The following PPARG variants were observed in gnomAD, a reference collection of about 807,000 sequenced individuals.
The protein encoded by PPARG is peroxisome proliferator-activated receptor gamma.
Under a neutral mutation model 39.2 loss-of-function variants are expected in PPARG, and 17 were observed. The observed-to-expected ratio is 0.43, with a 90% confidence interval of 0.30 to 0.65. The LOEUF is 0.65. PPARG is among the 30% of genes least tolerant of loss of function. The pLI is 0.13. For missense variants in PPARG, 406 were observed against 585.9 expected (o/e 0.69, Z 3.17); for synonymous variants, 223 against 215.7 (o/e 1.03, Z -0.30).
At chr3:12,344,477 G>A (rs1300643179) in intron 2 of PPARG, among the ~76,000 whole-genome samples, 1 of 152,116 alleles carries the variant, frequency 6.6e-6, no homozygotes, top group African/African-American at 2.4e-5. Context: ...ACTCTGTGTT[G>A]CCTGTGGTTT....
chr3:12,408,567 C>CTTTTTTTTTTTTTTTT (rs397945616), intron 6 of PPARG, among the ~76,000 whole-genome samples: 14 of 113,252 alleles, frequency 1.2e-4, no homozygotes, highest in African/African-American at 4.0e-4. Flanking sequence ...CTTTTCTTTT[C>CTTTTTTTTTTTTTTTT]TTTTTTTTTT....
At chr3:12,408,815 A>T (rs1194685111) in intron 6 of PPARG, among the ~76,000 whole-genome samples, 1 of 143,724 alleles carries the variant, frequency 7.0e-6, no homozygotes, top group Non-Finnish European at 1.5e-5. Context: ...ACTTAATAGT[A>T]CCAGAAAGTC....
intron 5 of PPARG, among the ~76,000 whole-genome samples, chr3:12,396,401 C>T (rs1215236654): frequency 2.0e-5 from 3 of 152,104 alleles, no homozygotes; most frequent in African/African-American, 4.8e-5. Flanking sequence ...GGATTACAGG[C>T]GTGAGCTACC....
intron 7 of PPARG, 57 bp from the exon 8 acceptor site, chr3:12,433,841 G>A (rs1158866387): frequency 6.2e-7 from 1 of 1,611,846 alleles, no homozygotes; most frequent in Non-Finnish European, 8.5e-7. Context: ...CCAAGGCGGG[G>A]CCCAGAGGAT....
intron 1 of PPARG, among the ~76,000 whole-genome samples, chr3:12,291,859 A>G (rs970151539): frequency 6.6e-6 from 1 of 152,080 alleles, no homozygotes; most frequent in East Asian, 1.9e-4. Flanking sequence ...CTTTCTCTCA[A>G]TTTTGTCATC....
At chr3:12,371,854 T>C (rs1236797011) in intron 2 of PPARG, 1 of 688,328 alleles carries the variant, frequency 1.5e-6, no homozygotes, top group East Asian at 2.8e-5. Flanking sequence ...GCTGTAGTGT[T>C]TCAGGATGAT....
intron 5 of PPARG, among the ~76,000 whole-genome samples, chr3:12,397,894 AC>A (rs1482397639): frequency 6.6e-6 from 1 of 150,858 alleles, no homozygotes; most frequent in Non-Finnish European, 1.5e-5. Flanking sequence ...TCCTCTCCCC[AC>A]CCCTGCCCAC....
chr3:12,417,901 C>CATTTT (rs1559533744), intron 7 of PPARG, among the ~76,000 whole-genome samples: 1 of 46,142 alleles, frequency 2.2e-5, no homozygotes, highest in Non-Finnish European at 4.1e-5. Flanking sequence ...TTTTTTTTTT[C>CATTTT]CTTTTTTTTT....
At chr3:12,323,445 G>T (rs1275307782) in intron 2 of PPARG, among the ~76,000 whole-genome samples, 1 of 150,996 alleles carries the variant, frequency 6.6e-6, no homozygotes, top group Non-Finnish European at 1.5e-5. Context: ...TGGAGAGAGT[G>T]CCATGCCAAA....
In PPARG at chr3:12,433,991, A is replaced by G. The variant is rs186728157; in HGVS notation, c.1274A>G (p.Glu425Gly). The G allele has an allele frequency of 7.4e-6, 12 of 1,614,136 alleles. No individual in the cohort carries two copies. Among genetic ancestry groups the G allele is most frequent in the Non-Finnish European group, 1.0e-5 (12 of 1,180,056 alleles). Residue 425 changes from glutamate (E) to glycine (G), a missense_variant, in exon 8 of 8, where the codon GAG becomes GGG. Coordinates refer to ENST00000651735, the MANE Select transcript of PPARG (RefSeq NM_138711.6). ...LELQLKLNHP[E>G]SSQLFAKLLQ... ...CTCCAGCTGAAGCTGAACCACCCTG[A>G]GTCCTCACAGCTGTTTGCCAAGCTG...
intron 2 of PPARG, among the ~76,000 whole-genome samples, chr3:12,368,556 C>T (rs2049102606): frequency 6.6e-6 from 1 of 152,172 alleles, no homozygotes; most frequent in South Asian, 2.1e-4. Context: ...AGAATTTAAA[C>T]TCTAGCCCCA....
At chr3:12,330,051 C>G (rs149694049) in intron 2 of PPARG, among the ~76,000 whole-genome samples, 1 of 152,148 alleles carries the variant, frequency 6.6e-6, no homozygotes, top group Non-Finnish European at 1.5e-5. Flanking sequence ...CTGATGGATA[C>G]TTGGGTTGTT....
intron 3 of PPARG, 138 bp downstream of exon 3, chr3:12,380,069 A>G (rs1304292355): frequency 1.2e-6 from 1 of 860,770 alleles, no homozygotes; most frequent in African/African-American, 1.7e-5. Flanking sequence ...TCACCCATTT[A>G]TCCATGAAAT....
chr3:12,337,847 A>G (rs1326365272), intron 2 of PPARG, among the ~76,000 whole-genome samples: 1 of 152,216 alleles, frequency 6.6e-6, no homozygotes, highest in Admixed American at 6.5e-5. Flanking sequence ...ATAGCATTAC[A>G]TTGTATTAGT....
At chr3:12,294,900 A>G (rs11716748) in intron 1 of PPARG, among the ~76,000 whole-genome samples, 43,339 of 152,102 alleles carry the variant, frequency 0.28, 6,378 homozygotes, top group East Asian at 0.49. Flanking sequence ...TCTCGAAATA[A>G]TAATAATTAT....
At chr3:12,290,930 C>G (rs1251356703) in intron 1 of PPARG, among the ~76,000 whole-genome samples, 2 of 152,188 alleles carry the variant, frequency 1.3e-5, no homozygotes, top group African/African-American at 2.4e-5. Flanking sequence ...CTGGCCCACA[C>G]TTTCACTTCT....
intron 2 of PPARG, among the ~76,000 whole-genome samples, chr3:12,323,694 A>T (rs2047609781): frequency 6.6e-6 from 1 of 152,108 alleles, no homozygotes; most frequent in African/African-American, 2.4e-5. Context: ...CTGTCTGTCT[A>T]ACCCCCAAGC....
intron 6 of PPARG, among the ~76,000 whole-genome samples, chr3:12,412,581 G>T (rs1209032934): frequency 6.6e-6 from 1 of 152,000 alleles, no homozygotes; most frequent in Non-Finnish European, 1.5e-5. Context: ...AAAAACACTG[G>T]GTTCAAGTGC....
intron 2 of PPARG, among the ~76,000 whole-genome samples, chr3:12,321,680 C>T (rs1172703880): frequency 1.3e-5 from 2 of 152,272 alleles, no homozygotes; most frequent in South Asian, 2.1e-4. Context: ...ACTCTGTGGT[C>T]GGCCCAGCCT....
Sources: allele counts gnomAD v4.1 joint callset (sites outside exome capture counted in the v4.1 genomes callset), GRCh38; gene constraint gnomAD v4.1.1; transcripts MANE v1.5; gene names NCBI Gene and HGNC (gene_info 2026-07-23, HGNC 2026-07-21).